The following VPS13C variants were observed in gnomAD, a reference collection of about 807,000 sequenced individuals.
VPS13C encodes the protein intermembrane lipid transfer protein VPS13C.
Under a neutral mutation model 456.8 loss-of-function variants are expected in VPS13C, and 358 were observed. The ratio of observed to expected loss-of-function variants is 0.78; its 90% CI spans 0.72 to 0.86. The LOEUF is 0.86. Among genes scored for constraint, VPS13C ranks in the 40% least tolerant of loss-of-function variants. VPS13C has a pLI of 0.00. For missense variants in VPS13C, 4,818 were observed against 4,385.4 expected (o/e 1.10, Z -2.79); for synonymous variants, 1,578 against 1,486.7 (o/e 1.06, Z -1.41).
chr15:61,912,067 C>A, intron 62 of VPS13C, 63 bp from the exon 63 acceptor site: 2 of 1,313,154 alleles, frequency 1.5e-6, no homozygotes, highest in East Asian at 2.6e-5. Context: ...TATACACATC[C>A]CCTCATTCAC....
At chr15:62,019,361 GTTC>G (rs2047374147) in intron 9 of VPS13C, among the ~76,000 whole-genome samples, 1 of 152,086 alleles carries the variant, frequency 6.6e-6, no homozygotes, top group East Asian at 1.9e-4. Flanking sequence ...TGCTGCTCTA[GTTC>G]TTTTAATTGT....
chr15:62,007,152 G>GA lies in VPS13C; in HGVS notation c.1290+155dup, dbSNP rs1006778397. On this transcript the variant is annotated intron_variant, in intron 15 of 84. Transcript: ENST00000644861. ...AAGTTTTTTTAAAGAAGAAAAACTG[G>GA]AAAAAAAAAATTCTGCATTTTCCCA... Among the ~76,000 whole-genome samples the GA allele has an allele frequency of 4.3e-3, 647 of 149,838 alleles. 7 individuals are homozygous for GA. Among genetic ancestry groups the GA allele is most frequent in the African/African-American group, 0.014 (582 of 40,932 alleles).
In VPS13C at chr15:61,940,718, G is replaced by A. The variant is rs762813669; in HGVS notation, c.5530C>T (p.Arg1844Ter). The stretch of plus-strand genomic sequence containing the variant: ...ACATACCATGCTGCTGCTAAGTTTC[G>A]CTGTATGGACAAAAGCATGTTGACT... ...KPVNMLLSIQRNLAAAWYVQI... is the reference protein window; with the variant it reads ...KPVNMLLSIQ Residue 1844 changes from arginine to a stop codon, truncating the protein, a stop_gained, in exon 47 of 85, where the codon CGA becomes TGA. Coordinates refer to ENST00000644861, the MANE Select transcript of VPS13C (RefSeq NM_020821.3). LOFTEE classifies it high-confidence loss of function. The A allele has an allele frequency of 3.7e-6, 6 of 1,613,682 alleles. No homozygotes were observed. Among genetic ancestry groups the A allele is most frequent in the Non-Finnish European group, 5.1e-6 (6 of 1,179,846 alleles).
At chr15:61,865,584 ATATG>A in intron 81 of VPS13C, 1 of 707,536 alleles carries the variant, frequency 1.4e-6, no homozygotes, top group Non-Finnish European at 1.7e-6. Flanking sequence ...ATATGTGTGT[ATATG>A]TGTGTGTATA....
intron 26 of VPS13C, among the ~76,000 whole-genome samples, chr15:61,973,229 G>C (rs1004992481): frequency 6.6e-6 from 1 of 152,080 alleles, no homozygotes; most frequent in Non-Finnish European, 1.5e-5. Flanking sequence ...TCTTAAGTAA[G>C]CATTGTCAAC....
chr15:61,921,891 T>C (rs2043668427), intron 55 of VPS13C, 56 bp downstream of exon 55: 1 of 1,545,998 alleles, frequency 6.5e-7, no homozygotes, highest in Non-Finnish European at 8.9e-7. Flanking sequence ...AAATAAAAAC[T>C]ATGAATGAAT....
chr15:61,856,208 A>G (rs2140831978), intron 83 of VPS13C, 78 bp downstream of exon 83: 4 of 1,539,242 alleles, frequency 2.6e-6, no homozygotes, highest in Non-Finnish European at 3.5e-6. Flanking sequence ...TAATCCTTCA[A>G]ATATTTTGTG....
Position 61,956,692 on chromosome 15 carries a change from GA to G in VPS13C, c.4165+1915del, listed in dbSNP as rs1210387930. Among the ~76,000 whole-genome samples the G allele has an allele frequency of 3.9e-5, 6 of 152,208 alleles. No individual in the cohort carries two copies. In the East Asian group the frequency reaches 1.2e-3, roughly 29 times the overall value. ...ATATCCAAATGGCCAATAACCATATGAAAAGGTGATCACCTTCACCAGTAAT... is the reference window on the plus strand; with the variant it reads ...ATATCCAAATGGCCAATAACCATATGAAAGGTGATCACCTTCACCAGTAAT... On this transcript the variant is annotated intron_variant, in intron 37 of 84. Coordinates refer to ENST00000644861, the MANE Select transcript of VPS13C (RefSeq NM_020821.3).
chr15:62,003,798 T>C (rs1337080084), intron 15 of VPS13C, among the ~76,000 whole-genome samples: 3 of 151,724 alleles, frequency 2.0e-5, no homozygotes, highest in Non-Finnish European at 4.4e-5. Flanking sequence ...TTGTCTTTGG[T>C]TCTGTTTATA....
intron 3 of VPS13C, among the ~76,000 whole-genome samples, chr15:62,037,355 TAA>T (rs1398548317): frequency 1.1e-5 from 1 of 86,998 alleles, no homozygotes; most frequent in African/African-American, 4.3e-5. Flanking sequence ...ATATTATATA[TAA>T]ATGTATATAA....
intron 66 of VPS13C, among the ~76,000 whole-genome samples, chr15:61,895,261 G>T (rs148589482): frequency 6.6e-6 from 1 of 151,934 alleles, no homozygotes; most frequent in Non-Finnish European, 1.5e-5. Flanking sequence ...CAAAAAAGTA[G>T]AAAGATTTCA....
intron 68 of VPS13C, among the ~76,000 whole-genome samples, chr15:61,883,452 C>T (rs1427802460): frequency 6.6e-6 from 1 of 152,004 alleles, no homozygotes; most frequent in African/African-American, 2.4e-5. Context: ...GGTGGGGGTG[C>T]TGGGGAATGT....
chr15:61,874,908 A>G lies in VPS13C; in HGVS notation c.10382T>C (p.Ile3461Thr). The G allele has an allele frequency of 1.9e-6, 3 of 1,594,072 alleles. No individual in the cohort carries two copies. The highest frequency in any genetic ancestry group is 2.6e-6 in the Non-Finnish European group (3 of 1,171,300). ...GTGTCCAAAGAGGCTTCTCACTCCAATCACTAACCCCTCTGCAAATTCTTC... is the reference window on the plus strand; with the variant it reads ...GTGTCCAAAGAGGCTTCTCACTCCAGTCACTAACCCCTCTGCAAATTCTTC... The part of the protein sequence containing the change: ...GPEEFAEGLV[I>T]GVRSLFGHTV... The change falls in exon 77 of 85, where the codon ATT becomes ACT. Residue 3461 changes from isoleucine to threonine, a missense_variant. By Grantham distance (89) the Ile-to-Thr change is moderately conservative. Transcript: ENST00000644861.
Position 61,858,157 on chromosome 15 carries a change from C to G in VPS13C, c.10953-1748G>C, listed in dbSNP as rs1269927058. Reference sequence around the variant, plus strand: ...AAATATCTTTAAACTCTTCTCTTTACCATCCCAATAATACTACCGTTCTCC... The same window carrying G: ...AAATATCTTTAAACTCTTCTCTTTAGCATCCCAATAATACTACCGTTCTCC... On this transcript the variant is annotated intron_variant, in intron 82 of 84. Transcript: ENST00000644861. This position sits in a 1 kb window ranked among gnomAD's most constrained non-coding sequence, Gnocchi z 4.4. 2.6e-5 allele frequency among the ~76,000 whole-genome samples: 4 copies of G among 152,134 alleles called. No individual in the cohort carries two copies. The highest frequency in any genetic ancestry group is 5.9e-5 in the Non-Finnish European group (4 of 68,026).
At chr15:61,981,293 T>C (rs775905072) in intron 22 of VPS13C, 49 bp downstream of exon 22, 5 of 1,531,992 alleles carry the variant, frequency 3.3e-6, no homozygotes, top group Non-Finnish European at 4.4e-6. Flanking sequence ...GAGAGTTAGC[T>C]AGCAAGCAGG....
At chr15:62,009,417 G>T (rs931066260) in intron 13 of VPS13C, among the ~76,000 whole-genome samples, 1 of 151,548 alleles carries the variant, frequency 6.6e-6, no homozygotes, top group Non-Finnish European at 1.5e-5. Flanking sequence ...TTCACGGAAT[G>T]CAGTTCTAAC....
chr15:61,929,751 GA>G lies in VPS13C; in HGVS notation c.6039-4del, dbSNP rs749633941. ...GGTCATTCTTTCTGTCAATCATTCT[GA>G]AAAAAAACATGCTATTCATTATTTT... is the stretch of plus-strand genomic sequence containing the variant. On this transcript the variant is annotated splice_polypyrimidine_tract_variant and splice_region_variant and intron_variant, in intron 50 of 84. Coordinates refer to ENST00000644861, the MANE Select transcript of VPS13C (RefSeq NM_020821.3). 73 of 1,595,808 alleles carry G rather than the reference GA, an allele frequency of 4.6e-5. No individual in the cohort carries two copies. In the South Asian group the frequency reaches 5.3e-4, roughly 12 times the overall value.
chr15:61,880,786 G>C (rs3809517), intron 72 of VPS13C, 57 bp downstream of exon 72: 3 of 1,547,274 alleles, frequency 1.9e-6, no homozygotes, highest in Non-Finnish European at 2.6e-6. Flanking sequence ...TCGTTCAAAA[G>C]AGGCTGATTT....
At chr15:62,003,249 G>A (rs1490688643) in intron 15 of VPS13C, among the ~76,000 whole-genome samples, 8 of 150,830 alleles carry the variant, frequency 5.3e-5, no homozygotes, top group Admixed American at 5.3e-4. Context: ...TTTGTAAGTT[G>A]GATTCCTAGG....
Sources: allele counts gnomAD v4.1 joint callset (sites outside exome capture counted in the v4.1 genomes callset), GRCh38; gene constraint gnomAD v4.1.1; non-coding constraint Gnocchi (gnomAD v3.1); transcripts MANE v1.5; gene names NCBI Gene and HGNC (gene_info 2026-07-23, HGNC 2026-07-21).